ZKSCAN3: variants seen among roughly 807,000 people sequenced by gnomAD.
The protein encoded by ZKSCAN3 is zinc finger with KRAB and SCAN domains 3.
A neutral mutation model predicts 30.7 loss-of-function variants in ZKSCAN3; 21 were observed. The ratio of observed to expected loss-of-function variants is 0.68; its 90% CI spans 0.49 to 0.99. ZKSCAN3 has a LOEUF of 0.99. Ranked by LOEUF, ZKSCAN3 falls within the 50% of genes least tolerant of loss-of-function variation. The probability of loss-of-function intolerance (pLI) is 0.00; values close to 1 mark genes in which losing one functional copy is unlikely to be tolerated. For synonymous variants in ZKSCAN3, 201 were observed against 246.7 expected (o/e 0.81, Z 1.73); for missense variants, 507 against 647.1 (o/e 0.78, Z 2.35).
Position 28,366,081 on chromosome 6 carries a change from G to A in ZKSCAN3, c.1413G>A (p.Leu471=). The A allele has an allele frequency of 6.2e-7, 1 of 1,608,366 alleles. No individual in the cohort carries two copies. The highest frequency in any genetic ancestry group is 8.5e-7 in the Non-Finnish European group (1 of 1,177,768). Residue 471 remains leucine (L), a synonymous_variant, in exon 6 of 6, where the codon TTG becomes TTA. Transcript: ENST00000252211. ...GGAAAAGTAGGATGGAAAGCCAGTT[G>A]GAAAATGTTGAAACTCCCATGTCTT... ...EAWKSRMESQ[L]ENVETPMSYK...
intron 5 of ZKSCAN3, among the ~76,000 whole-genome samples, 157 bp downstream of exon 5, chr6:28,363,972 T>G (rs1204456299): frequency 1.3e-5 from 2 of 152,112 alleles, no homozygotes; most frequent in Admixed American, 6.5e-5. Context: ...ACCCTTTCTT[T>G]TTTTGTTGTT....
intron 1 of ZKSCAN3, among the ~76,000 whole-genome samples, chr6:28,357,679 A>G (rs1260031338): frequency 1.3e-5 from 2 of 152,186 alleles, no homozygotes; most frequent in Non-Finnish European, 2.9e-5. Context: ...ATCAGGGACT[A>G]AGGACTTTCT....
chr6:28,362,283 G>A (rs1424033935), intron 3 of ZKSCAN3, among the ~76,000 whole-genome samples: 1 of 152,198 alleles, frequency 6.6e-6, no homozygotes, highest in Non-Finnish European at 1.5e-5. Flanking sequence ...ACAGTGGGAA[G>A]TCTTATGCAG....
At chr6:28,355,288 C>T (rs576658038) in intron 1 of ZKSCAN3, 1 of 152,248 alleles carries the variant, frequency 6.6e-6, no homozygotes, top group Admixed American at 6.5e-5. Flanking sequence ...CTGTGCCATC[C>T]CAGTGTGTGG....
intron 5 of ZKSCAN3, among the ~76,000 whole-genome samples, chr6:28,364,268 T>G (rs1765874446): frequency 6.6e-6 from 1 of 152,234 alleles, no homozygotes; most frequent in South Asian, 2.1e-4. Context: ...GAGCATGAGC[T>G]ACTCCACCTG....
chr6:28,353,134 A>G, intron 1 of ZKSCAN3, among the ~76,000 whole-genome samples: 1 of 151,844 alleles, frequency 6.6e-6, no homozygotes, highest in East Asian at 1.9e-4. Flanking sequence ...ACGCCCAGCT[A>G]ATTTTTGTAT....
chr6:28,355,226 T>A (rs1374177811), intron 1 of ZKSCAN3: 1 of 152,232 alleles, frequency 6.6e-6, no homozygotes, highest in Non-Finnish European at 1.5e-5. Flanking sequence ...TGAGTTAGCA[T>A]ACTTTGCTGT....
intron 5 of ZKSCAN3, among the ~76,000 whole-genome samples, chr6:28,364,676 T>A (rs16894011): frequency 0.076 from 11,519 of 152,234 alleles, 554 homozygotes; most frequent in East Asian, 0.13. Flanking sequence ...GTCTTTATCG[T>A]ATCATTGATC....
chr6:28,359,776 C>T lies in ZKSCAN3; in HGVS notation c.190C>T (p.Leu64=), dbSNP rs1301907313. 1.9e-6 allele frequency: 3 copies of T among 1,614,214 alleles called. No homozygotes were observed. Among genetic ancestry groups the T allele is most frequent in the East Asian group, 2.2e-5 (1 of 44,890 alleles). Residue 64 remains leucine, a synonymous_variant, in exon 2 of 6, where the codon CTG becomes TTG. Coordinates refer to ENST00000252211, the MANE Select transcript of ZKSCAN3 (RefSeq NM_024493.4). ...GGAGGCTGCAGGCCCCCGCGAGGCG[C>T]TGAGTCGGCTCCGAGAGCTCTGCCG... ...YPEAAGPREA[L]SRLRELCRQW...
chr6:28,361,360 T>G lies in ZKSCAN3; in HGVS notation c.439T>G (p.Cys147Gly). ...TGACCAGGGGCAAGAACTGCTCTGT[T>G]GCAAGATGGCACTATTGACACCAGC... ...GVDQGQELLC[C>G]KMALLTPAPG... Residue 147 changes from cysteine (C) to glycine (G), a missense_variant, in exon 3 of 6, where the codon TGC (cysteine) becomes GGC (glycine). Physicochemically the swap from Cys to Gly is radical, Grantham distance 159. Transcript: ENST00000252211. The G allele has an allele frequency of 6.2e-7, 1 of 1,613,886 alleles. No individual in the cohort carries two copies. The highest frequency in any genetic ancestry group is 8.5e-7 in the Non-Finnish European group (1 of 1,179,956).
intron 2 of ZKSCAN3, 153 bp downstream of exon 2, chr6:28,360,141 C>T: frequency 7.4e-7 from 1 of 1,356,440 alleles, no homozygotes; most frequent in South Asian, 1.3e-5. Flanking sequence ...TCCCTGGACT[C>T]CTTCTCAGAA....
Position 28,366,411 on chromosome 6 carries a change from A to G in ZKSCAN3, c.*126A>G. On this transcript the variant is annotated 3_prime_UTR_variant, in exon 6 of 6. Transcript: ENST00000252211. Reference sequence around the variant, plus strand: ...CCACTACACATTATCAGGTGTTAGAAAATGTAGACTGGGTTAGACAAATTA... The same window carrying G: ...CCACTACACATTATCAGGTGTTAGAGAATGTAGACTGGGTTAGACAAATTA... The G allele has an allele frequency of 9.2e-7, 1 of 1,086,818 alleles. No individual in the cohort carries two copies. The highest frequency in any genetic ancestry group is 1.3e-6 in the Non-Finnish European group (1 of 794,630). The allele number at this position is 1,086,818 out of a possible 1,614,324, so 67.3% of individuals were successfully genotyped here.
chr6:28,364,954 C>T (rs555532141), intron 5 of ZKSCAN3, among the ~76,000 whole-genome samples: 56 of 152,302 alleles, frequency 3.7e-4, no homozygotes, highest in Non-Finnish European at 5.1e-4. Context: ...TTTTGAACTC[C>T]TGACCTCAAG....
chr6:28,363,645 A>C, intron 4 of ZKSCAN3, 47 bp from the exon 5 acceptor site: 6 of 1,610,222 alleles, frequency 3.7e-6, no homozygotes, highest in Non-Finnish European at 5.1e-6. Context: ...TCCCCACTCC[A>C]CCATTTTGGT....
rs756543401 is a variant in ZKSCAN3, at chr6:28,359,618, T to C, written c.32T>C (p.Leu11Pro). Residue 11 changes from leucine to proline, a missense_variant, in exon 2 of 6, where the codon CTG (leucine) becomes CCG (proline). Transcript: ENST00000252211. The part of the protein sequence containing the change: MARELSESTA[L>P]DAQSTEDQME... Reference sequence around the variant, plus strand: ...AGAGAATTAAGTGAAAGCACAGCCCTGGATGCCCAGTCTACAGAAGACCAG... The same window carrying C: ...AGAGAATTAAGTGAAAGCACAGCCCCGGATGCCCAGTCTACAGAAGACCAG... The C allele has an allele frequency of 5.0e-6, 8 of 1,614,234 alleles. No homozygotes were observed. Among genetic ancestry groups the C allele is most frequent in the Non-Finnish European group, 6.8e-6 (8 of 1,180,036 alleles).
chr6:28,357,209 G>C (rs1581728930), intron 1 of ZKSCAN3, among the ~76,000 whole-genome samples: 1 of 152,184 alleles, frequency 6.6e-6, no homozygotes, highest in African/African-American at 2.4e-5. Context: ...GTTTACCTCG[G>C]CCTATGCCTG....
chr6:28,361,901 G>A (rs1341774709), intron 3 of ZKSCAN3, among the ~76,000 whole-genome samples: 3 of 151,968 alleles, frequency 2.0e-5, no homozygotes, highest in Non-Finnish European at 4.4e-5. Flanking sequence ...GGGCTCAAGC[G>A]ATCCTCTCAA....
intron 1 of ZKSCAN3, among the ~76,000 whole-genome samples, chr6:28,352,774 G>A (rs868083049): frequency 6.6e-6 from 1 of 152,104 alleles, no homozygotes; most frequent in Non-Finnish European, 1.5e-5. Context: ...TTAGGAGGAA[G>A]TATTTTCTGG....
In ZKSCAN3 at chr6:28,365,536, A is replaced by C; in HGVS notation, c.868A>C (p.Thr290Pro). 6.2e-7 allele frequency: 1 copy of C among 1,614,274 alleles called. No homozygotes were observed. The highest frequency in any genetic ancestry group is 8.5e-7 in the Non-Finnish European group (1 of 1,180,056). Residue 290 changes from threonine (T) to proline (P), a missense_variant, in exon 6 of 6, where the codon ACA (threonine) becomes CCA (proline). Physicochemically the swap from Thr to Pro is conservative, Grantham distance 38. Coordinates refer to ENST00000252211, the MANE Select transcript of ZKSCAN3 (RefSeq NM_024493.4). ...GAGAGAAGACATTGCCCAGATTCCT[A>C]CATGTGCAGAAGCTGGTGAACAGGA... The part of the protein sequence containing the change: ...HLREDIAQIP[T>P]CAEAGEQEGR...
Sources: allele counts gnomAD v4.1 joint callset (sites outside exome capture counted in the v4.1 genomes callset), GRCh38; gene constraint gnomAD v4.1.1; transcripts MANE v1.5; gene names NCBI Gene and HGNC (gene_info 2026-07-23, HGNC 2026-07-21).